The following SPART variants were observed in gnomAD, a reference collection of about 807,000 sequenced individuals.
SPART encodes the protein spartin.
Under a neutral mutation model 58.7 loss-of-function variants are expected in SPART, and 35 were observed. That is an observed-to-expected ratio of 0.60 (90% CI 0.46 to 0.79). SPART has a LOEUF of 0.79. Among genes scored for constraint, SPART ranks in the 30% least tolerant of loss-of-function variants. The probability of loss-of-function intolerance (pLI) is 0.00; values close to 1 mark genes in which losing one functional copy is unlikely to be tolerated. For missense variants in SPART, 730 were observed against 786.1 expected (o/e 0.93, Z 0.85); for synonymous variants, 284 against 280.7 (o/e 1.01, Z -0.12).
chr13:36,305,820 A>T (rs112284751), intron 8 of SPART, among the ~76,000 whole-genome samples: 259 of 152,324 alleles, frequency 1.7e-3, no homozygotes, highest in Non-Finnish European at 3.0e-3. Flanking sequence ...TTTAAACAAC[A>T]AACAAAACAA....
chr13:36,310,649 A>AC (rs905378512), intron 8 of SPART, among the ~76,000 whole-genome samples: 5 of 151,738 alleles, frequency 3.3e-5, no homozygotes, highest in Admixed American at 6.6e-5. Flanking sequence ...AACCCAACAC[A>AC]CCCCCACAGC....
At chr13:36,315,288 G>GT (rs1306093962) in intron 5 of SPART, among the ~76,000 whole-genome samples, 1 of 152,186 alleles carries the variant, frequency 6.6e-6, no homozygotes, top group African/African-American at 2.4e-5. Flanking sequence ...GAAAAAACAT[G>GT]TAAGAACAGT....
chr13:36,324,637 T>C (rs575735325), intron 5 of SPART, among the ~76,000 whole-genome samples: 1 of 152,350 alleles, frequency 6.6e-6, no homozygotes, highest in East Asian at 1.9e-4. Flanking sequence ...TGGGGCAGTT[T>C]GTTACATAGC....
chr13:36,308,329 A>G (rs943514798), intron 8 of SPART: 3 of 152,140 alleles, frequency 2.0e-5, no homozygotes, highest in Non-Finnish European at 2.9e-5. Context: ...CATCCTTCTA[A>G]ATTTCTAATA....
rs967727430 is a variant in SPART, at chr13:36,312,701, C to T, written c.1484-224G>A. The T allele has an allele frequency of 3.3e-4, 192 of 575,296 alleles. 2 individuals are homozygous for T. Among genetic ancestry groups the T allele is most frequent in the Non-Finnish European group, 1.3e-4 (43 of 326,700 alleles). The allele number at this position is 575,296 out of a possible 1,614,324, so 35.6% of individuals were successfully genotyped here. Reference sequence around the variant, plus strand: ...CAAGTGATCCTCCTGCCTCTGCCTCCTGAGTAGCTGGGACTACAGGCATGA... The same window carrying T: ...CAAGTGATCCTCCTGCCTCTGCCTCTTGAGTAGCTGGGACTACAGGCATGA... On this transcript the variant is annotated intron_variant, in intron 6 of 8. Transcript: ENST00000438666.
chr13:36,349,964 A>G (rs1376214734), upstream of SPART, among the ~76,000 whole-genome samples: 2 of 152,206 alleles, frequency 1.3e-5, no homozygotes, highest in Non-Finnish European at 2.9e-5. Flanking sequence ...ACAGAAGGCC[A>G]TTCAAACTGT....
chr13:36,321,115 T>C (rs562007018), intron 5 of SPART, among the ~76,000 whole-genome samples: 1 of 152,326 alleles, frequency 6.6e-6, no homozygotes, highest in Admixed American at 6.5e-5. Flanking sequence ...CGCTCCTTAT[T>C]AGGCCCCAGT....
intron 2 of SPART, among the ~76,000 whole-genome samples, chr13:36,332,442 T>C (rs1430257952): frequency 6.6e-6 from 1 of 152,142 alleles, no homozygotes; most frequent in Non-Finnish European, 1.5e-5. Flanking sequence ...AGGTGGAAGT[T>C]GCAGTGAGCC....
chr13:36,313,491 C>T (rs749519717), intron 6 of SPART, among the ~76,000 whole-genome samples: 1 of 152,208 alleles, frequency 6.6e-6, no homozygotes, highest in East Asian at 1.9e-4. Flanking sequence ...TTCACATTCA[C>T]TCACCACTCA....
At chr13:36,318,150 A>G (rs949502157) in intron 5 of SPART, among the ~76,000 whole-genome samples, 11 of 151,866 alleles carry the variant, frequency 7.2e-5, no homozygotes, top group African/African-American at 1.9e-4. Context: ...CTAGGTCCCA[A>G]TTCTTCCTCA....
chr13:36,331,642 GA>G (rs1883477400), intron 2 of SPART, 46 bp from the exon 3 acceptor site: 2 of 1,322,002 alleles, frequency 1.5e-6, no homozygotes, highest in African/African-American at 1.5e-5. Context: ...ATAAATAAAT[GA>G]AACTAGATTT....
In SPART at chr13:36,351,633, G is replaced by T. The variant is rs550187654; in HGVS notation, c.-2-15801C>A. 1.8e-4 allele frequency among the ~76,000 whole-genome samples: 28 copies of T among 152,222 alleles called. No homozygotes were observed. The South Asian group carries it at 5.0e-3, about 27-fold the overall frequency. On this transcript the variant is annotated intron_variant, in intron 1 of 8. Coordinates refer to the SPART transcript ENST00000355182. ...AAAATCTACTTGTTAATGGACTTTA[G>T]GAATGATATATGCCTATTTGGGTTT...
At chr13:36,325,548 G>C (rs1241654720) in intron 5 of SPART, among the ~76,000 whole-genome samples, 1 of 151,966 alleles carries the variant, frequency 6.6e-6, no homozygotes, top group African/African-American at 2.4e-5. Context: ...CCATTTAATG[G>C]GGTTATGAAT....
intron 1 of SPART, among the ~76,000 whole-genome samples, chr13:36,353,869 G>C (rs1885516788): frequency 6.6e-6 from 1 of 152,204 alleles, no homozygotes; most frequent in Non-Finnish European, 1.5e-5. Context: ...TGTCTGACAT[G>C]CATGTTCTGT....
chr13:36,324,404 G>A (rs1233848718), intron 5 of SPART, among the ~76,000 whole-genome samples: 1 of 152,118 alleles, frequency 6.6e-6, no homozygotes, highest in Non-Finnish European at 1.5e-5. Context: ...ACTCTATTTG[G>A]CAGTCCTAGA....
At chr13:36,367,447 C>A (rs1353066364) in intron 1 of SPART, among the ~76,000 whole-genome samples, 1 of 152,136 alleles carries the variant, frequency 6.6e-6, no homozygotes, top group Non-Finnish European at 1.5e-5. Flanking sequence ...ACACCGCCTC[C>A]TCCAGCCTCT....
At chr13:36,336,313 T>C (rs1883997829) in intron 1 of SPART, 1 of 157,298 alleles carries the variant, frequency 6.4e-6, no homozygotes, top group African/African-American at 2.4e-5. Flanking sequence ...GGTGGCAGGT[T>C]ACCCCACACA....
At position 36,352,781 on chromosome 13, in the gene SPART, G is replaced by A. The variant is rs1029561294; in HGVS notation, c.-2-16949C>T. ...AGCCTGGGCAACACAGGGAGATCCC[G>A]TTTCCAAAAAAAAAAAAAAAAATTG... On this transcript the variant is annotated intron_variant, in intron 1 of 8. Coordinates refer to the SPART transcript ENST00000355182. Among the ~76,000 whole-genome samples, 58 of 124,924 alleles carry A rather than the reference G, an allele frequency of 4.6e-4. 1 individual carries two copies. The Middle Eastern group carries it at 0.022, about 47-fold the overall frequency. The allele number at this position is 124,924 out of a possible 152,430, so 82.0% of individuals were successfully genotyped here.
At chr13:36,322,221 C>T (rs536992957) in intron 5 of SPART, among the ~76,000 whole-genome samples, 210 of 152,178 alleles carry the variant, frequency 1.4e-3, no homozygotes, top group Admixed American at 6.4e-3. Context: ...CCAAATTGGG[C>T]GGATCACCTG....
Sources: gnomAD v4.1 joint callset for allele counts (sites outside exome capture counted in the v4.1 genomes callset) on GRCh38, gnomAD v4.1.1 for gene constraint, MANE v1.5 for transcripts, NCBI Gene and HGNC (gene_info 2026-07-23, HGNC 2026-07-21) for gene names.